Variants in ILKAP observed in about 807,000 individuals in gnomAD.
ILKAP encodes the protein integrin-linked kinase-associated serine/threonine phosphatase 2C.
A neutral mutation model predicts 49.1 loss-of-function variants in ILKAP; 11 were observed. That is an observed-to-expected ratio of 0.22 (90% CI 0.14 to 0.37). The LOEUF is 0.37. Ranked by LOEUF, ILKAP falls within the 10% of genes least tolerant of loss-of-function variation. The pLI is 1.00. For synonymous variants in ILKAP, 186 were observed against 192.8 expected (o/e 0.96, Z 0.29); for missense variants, 363 against 510.8 (o/e 0.71, Z 2.79).
intron 2 of ILKAP, 172 bp downstream of exon 2, chr2:238,194,633 C>G: frequency 1.5e-6 from 1 of 659,280 alleles, no homozygotes; most frequent in East Asian, 2.7e-5. Flanking sequence ...GGGCTAGCGA[C>G]TAGCAGATTT....
intron 8 of ILKAP, among the ~76,000 whole-genome samples, chr2:238,183,266 A>C (rs1693770636): frequency 6.6e-6 from 1 of 152,220 alleles, no homozygotes; most frequent in Non-Finnish European, 1.5e-5. Context: ...TTTGATAGGC[A>C]GGGGTTAAAG....
intron 4 of ILKAP, 112 bp downstream of exon 4, chr2:238,189,741 T>C: frequency 1.0e-6 from 1 of 996,892 alleles, no homozygotes; most frequent in Admixed American, 2.5e-5. Context: ...CCTACTTATT[T>C]CTTAAATACA....
chr2:238,177,848 T>G (rs1693528272), intron 9 of ILKAP, among the ~76,000 whole-genome samples: 1 of 152,290 alleles, frequency 6.6e-6, no homozygotes, highest in South Asian at 2.1e-4. Flanking sequence ...GAGGTGGAAC[T>G]GCAGATCACA....
Position 238,198,152 on chromosome 2 carries a change from C to T in ILKAP, c.56-3282G>A, listed in dbSNP as rs975462624. 3.3e-5 allele frequency among the ~76,000 whole-genome samples: 5 copies of T among 151,938 alleles called. No homozygotes were observed. In the East Asian group the frequency reaches 7.7e-4, roughly 23 times the overall value. On this transcript the variant is annotated intron_variant, in intron 1 of 11. Transcript: ENST00000254654. ...TTTTTGCATCATCAAAAGAATCTAA[C>T]TTAGAAGTCTGTATGTGGATTCTTT...
At chr2:238,201,593 G>C (rs190929533) in intron 1 of ILKAP, among the ~76,000 whole-genome samples, 21 of 152,320 alleles carry the variant, frequency 1.4e-4, no homozygotes, top group Non-Finnish European at 4.4e-5. Context: ...CTTTCCCACT[G>C]TATCTGGCAA....
chr2:238,195,549 C>T (rs988871026), intron 1 of ILKAP, among the ~76,000 whole-genome samples: 1 of 152,172 alleles, frequency 6.6e-6, no homozygotes, highest in Non-Finnish European at 1.5e-5. Context: ...GCCCAATTAT[C>T]TTTTTCCACA....
chr2:238,187,931 G>T (rs1206120518), intron 5 of ILKAP, among the ~76,000 whole-genome samples, 200 bp downstream of exon 5: 1 of 152,096 alleles, frequency 6.6e-6, no homozygotes. Flanking sequence ...ACTCCCTCCC[G>T]CAGTTGTGAC....
chr2:238,194,860 A>C lies in ILKAP; in HGVS notation c.66T>G (p.Ala22=), dbSNP rs1218615685. The C allele has an allele frequency of 6.2e-7, 1 of 1,613,982 alleles. No homozygotes were observed. Among genetic ancestry groups the C allele is most frequent in the East Asian group, 2.2e-5 (1 of 44,878 alleles). ...CATCAAAGAGCAGGGGTCCTTTCTG[A>C]GCTTCTTTCCCTAAAACACAGAAAA... is the stretch of plus-strand genomic sequence containing the variant. ...RSPRPAAGKE[A]QKGPLLFDDL... Residue 22 remains alanine (A), a synonymous_variant, in exon 2 of 12, where the codon GCT becomes GCG. Coordinates refer to ENST00000254654, the MANE Select transcript of ILKAP (RefSeq NM_030768.3).
At chr2:238,187,621 G>A (rs138056648) in intron 5 of ILKAP, among the ~76,000 whole-genome samples, 1 of 151,950 alleles carries the variant, frequency 6.6e-6, no homozygotes, top group African/African-American at 2.4e-5. Context: ...TTCTTCCTGG[G>A]CCCTGATTAT....
intron 9 of ILKAP, among the ~76,000 whole-genome samples, chr2:238,176,135 C>T (rs1288729004): frequency 1.8e-4 from 18 of 98,008 alleles, no homozygotes; most frequent in South Asian, 4.2e-4. Flanking sequence ...CAAGTAGTGG[C>T]TTTTTTTTTT....
intron 8 of ILKAP, among the ~76,000 whole-genome samples, 184 bp from the exon 9 acceptor site, chr2:238,182,370 A>T (rs1384491195): frequency 6.6e-6 from 1 of 152,280 alleles, no homozygotes. Flanking sequence ...TCAAAGACAC[A>T]ACAGTTAGGG....
intron 8 of ILKAP, among the ~76,000 whole-genome samples, chr2:238,182,821 A>G (rs1215286220): frequency 6.6e-6 from 1 of 152,202 alleles, no homozygotes; most frequent in East Asian, 1.9e-4. Context: ...ATGTGGGCTA[A>G]GGCCAGTCTA....
intron 1 of ILKAP, among the ~76,000 whole-genome samples, chr2:238,195,957 CACCTG>C (rs1292417510): frequency 6.8e-5 from 10 of 146,654 alleles, no homozygotes; most frequent in Non-Finnish European, 1.3e-4. Context: ...GTGGGAGGAT[CACCTG>C]AGCCCAGGGA....
chr2:238,188,566 G>A (rs529768478), intron 4 of ILKAP: 30 of 218,944 alleles, frequency 1.4e-4, no homozygotes, highest in Non-Finnish European at 2.3e-4. Context: ...TGCCATCCCA[G>A]AGAAGTGAGA....
At chr2:238,184,854 G>C (rs1266249965) in intron 6 of ILKAP, among the ~76,000 whole-genome samples, 4 of 152,028 alleles carry the variant, frequency 2.6e-5, no homozygotes, top group African/African-American at 7.3e-5. Context: ...TGCCCAGCCA[G>C]AACAATCTCT....
intron 8 of ILKAP, among the ~76,000 whole-genome samples, chr2:238,183,284 T>A (rs970071750): frequency 6.6e-6 from 1 of 152,214 alleles, no homozygotes; most frequent in Non-Finnish European, 1.5e-5. Flanking sequence ...AAGCTTTTCA[T>A]TCATTACTGT....
At chr2:238,194,679 A>C (rs1694273478) in intron 2 of ILKAP, 126 bp downstream of exon 2, 1 of 970,158 alleles carries the variant, frequency 1.0e-6, no homozygotes, top group Non-Finnish European at 1.6e-6. Context: ...TCAAAACTTA[A>C]AGACAGTCCA....
At chr2:238,188,967 G>A (rs1483483813) in intron 4 of ILKAP, among the ~76,000 whole-genome samples, 1 of 152,192 alleles carries the variant, frequency 6.6e-6, no homozygotes, top group East Asian at 1.9e-4. Flanking sequence ...ACCTCTGCCT[G>A]CATCATACAG....
At chr2:238,188,414 G>T in intron 4 of ILKAP, 157 bp from the exon 5 acceptor site, 3 of 818,528 alleles carry the variant, frequency 3.7e-6, no homozygotes, top group South Asian at 1.9e-5. Context: ...ATCTCCCCCA[G>T]CTGCAAGTCT....
Sources: allele counts gnomAD v4.1 joint callset (sites outside exome capture counted in the v4.1 genomes callset), GRCh38; gene constraint gnomAD v4.1.1; transcripts MANE v1.5; gene names NCBI Gene and HGNC (gene_info 2026-07-23, HGNC 2026-07-21).